Variants in TYW1 observed in about 807,000 individuals in gnomAD.
The protein encoded by TYW1 is S-adenosyl-L-methionine-dependent tRNA 4-demethylwyosine synthase TYW1.
TYW1 carries 46 observed loss-of-function variants against 96.2 expected under a neutral mutation model. That is an observed-to-expected ratio of 0.48 (90% CI 0.38 to 0.61). TYW1 has a LOEUF of 0.61. TYW1 is among the 20% of genes least tolerant of loss of function. The pLI, the probability that TYW1 is intolerant of heterozygous loss-of-function variation, is 0.00. For missense variants in TYW1, 684 were observed against 909.6 expected (o/e 0.75, Z 3.19); for synonymous variants, 274 against 323.0 (o/e 0.85, Z 1.63).
intron 13 of TYW1, among the ~76,000 whole-genome samples, chr7:67,147,629 A>C (rs1798649771): frequency 6.6e-6 from 1 of 151,916 alleles, no homozygotes; most frequent in African/African-American, 2.4e-5. Context: ...CTATGTGTCC[A>C]TGTGTTCTCA....
intron 3 of TYW1, among the ~76,000 whole-genome samples, chr7:67,007,644 T>C (rs1296611729): frequency 1.3e-5 from 2 of 152,172 alleles, no homozygotes; most frequent in East Asian, 3.9e-4. Flanking sequence ...CTTTTCTCTT[T>C]TTTTTTGAGA....
intron 11 of TYW1, among the ~76,000 whole-genome samples, chr7:67,091,016 A>G (rs1796698444): frequency 1.3e-5 from 2 of 152,178 alleles, no homozygotes; most frequent in African/African-American, 2.4e-5. Flanking sequence ...CGATTCCTCA[A>G]GGATCTAGAA....
intron 13 of TYW1, among the ~76,000 whole-genome samples, chr7:67,164,154 A>G (rs1338947209): frequency 6.6e-6 from 1 of 151,826 alleles, no homozygotes; most frequent in Non-Finnish European, 1.5e-5. Context: ...TGGTGTAGAT[A>G]GATTTATATT....
At chr7:67,074,855 T>C (rs4718452) in intron 10 of TYW1, among the ~76,000 whole-genome samples, 56,193 of 151,670 alleles carry the variant, frequency 0.37, 10,771 homozygotes, top group African/African-American at 0.46. Flanking sequence ...TCTTTTGAGA[T>C]GGAGTCTCGC....
intron 7 of TYW1, among the ~76,000 whole-genome samples, chr7:67,030,011 C>T (rs1414267858): frequency 6.6e-6 from 1 of 152,094 alleles, no homozygotes; most frequent in Non-Finnish European, 1.5e-5. Flanking sequence ...GGGGAGTGGG[C>T]ATGAGGAAGA....
In TYW1 at chr7:67,069,910, G is replaced by T. The variant is rs139062214; in HGVS notation, c.1274+2507G>T. 6.6e-5 allele frequency among the ~76,000 whole-genome samples: 10 copies of T among 152,266 alleles called. 2 individuals carry two copies. The South Asian group carries it at 2.1e-3, about 32-fold the overall frequency. On this transcript the variant is annotated intron_variant, in intron 10 of 15. Coordinates refer to ENST00000359626, the MANE Select transcript of TYW1 (RefSeq NM_018264.4). ...TGAAGGACTCCCTTTAGTATTTATC[G>T]TAGGGCAGGTCTGTTAGCAGTGAAC...
At chr7:67,052,754 C>T (rs10447523) in intron 8 of TYW1, among the ~76,000 whole-genome samples, 36,854 of 151,744 alleles carry the variant, frequency 0.24, 4,646 homozygotes, top group East Asian at 0.46. Context: ...TATTTTGAGA[C>T]GGAGTCTCAC....
intron 13 of TYW1, among the ~76,000 whole-genome samples, chr7:67,158,695 G>A (rs950895662): frequency 8.6e-5 from 13 of 151,962 alleles, no homozygotes; most frequent in Non-Finnish European, 1.2e-4. Context: ...TCAGCCTACC[G>A]TGTAGCTGGG....
intron 13 of TYW1, among the ~76,000 whole-genome samples, chr7:67,141,437 A>T (rs73700337): frequency 0.034 from 5,221 of 152,298 alleles, 250 homozygotes; most frequent in East Asian, 0.14. Context: ...ATGTTGTTTG[A>T]GCACCATTTG....
At chr7:67,070,441 CT>C (rs199775206) in intron 10 of TYW1, among the ~76,000 whole-genome samples, 6 of 150,382 alleles carry the variant, frequency 4.0e-5, no homozygotes, top group African/African-American at 4.9e-5. Flanking sequence ...TTTCTTCACA[CT>C]TTTTTTTTTC....
chr7:67,031,179 C>T (rs1447057134), intron 7 of TYW1, among the ~76,000 whole-genome samples: 78 of 120,570 alleles, frequency 6.5e-4, no homozygotes, highest in Non-Finnish European at 1.0e-3. Flanking sequence ...GGCGACAGAG[C>T]GAGACTCCAT....
chr7:67,114,294 T>C lies in TYW1; in HGVS notation c.1563-3189T>C, dbSNP rs564160343. 2.6e-5 allele frequency: 4 copies of C among 154,352 alleles called. No homozygotes were observed. In the South Asian group the frequency reaches 6.1e-4, roughly 24 times the overall value. The allele number at this position is 154,352 out of a possible 1,614,324, so 9.6% of individuals were successfully genotyped here. A position where few individuals can be genotyped will look rare whatever the true frequency, so the allele number is the denominator to read the frequency against. On this transcript the variant is annotated intron_variant, in intron 12 of 15. Transcript: ENST00000359626. ...AAAGTCACTGTTTACTTGAATTTCT[T>C]ACAAACATAAATCTCTCTCCTTTTT...
chr7:67,109,610 G>A (rs1797341878), intron 12 of TYW1, among the ~76,000 whole-genome samples: 1 of 152,224 alleles, frequency 6.6e-6, no homozygotes, highest in Non-Finnish European at 1.5e-5. Context: ...GCTGGGAGCA[G>A]TGGCTCACGC....
rs539430081 is a variant in TYW1, at chr7:67,108,656, G to T, written c.1563-8827G>T. 3.3e-5 allele frequency among the ~76,000 whole-genome samples: 5 copies of T among 151,800 alleles called. No individual in the cohort carries two copies. In the South Asian group the frequency reaches 1.0e-3, roughly 32 times the overall value. ...GGGGTTTCACCATGTTGGCCAGGCT[G>T]GTCTCGAACTCCTGACCTCAGCTGC... On this transcript the variant is annotated intron_variant, in intron 12 of 15. Transcript: ENST00000359626.
In TYW1 at chr7:67,170,934, C is replaced by T. The variant is rs939727210; in HGVS notation, c.1699-12192C>T. Among the ~76,000 whole-genome samples the T allele has an allele frequency of 3.9e-5, 6 of 151,938 alleles. No individual in the cohort carries two copies. In the East Asian group the frequency reaches 7.7e-4, roughly 20 times the overall value. On this transcript the variant is annotated intron_variant, in intron 13 of 15. Coordinates refer to ENST00000359626, the MANE Select transcript of TYW1 (RefSeq NM_018264.4). ...TTTGTTATGAAGATAATGCTGGCCT[C>T]GGAGAAGGAGGTGTGAAGTGTTTCC...
At chr7:67,092,975 G>A (rs1174228768) in intron 11 of TYW1, among the ~76,000 whole-genome samples, 1 of 151,764 alleles carries the variant, frequency 6.6e-6, no homozygotes, top group African/African-American at 2.4e-5. Context: ...GAGCCACCAC[G>A]CCCGGCCCAA....
At chr7:67,104,177 C>T (rs936495163) in intron 12 of TYW1, among the ~76,000 whole-genome samples, 2 of 152,158 alleles carry the variant, frequency 1.3e-5, no homozygotes, top group Admixed American at 1.3e-4. Flanking sequence ...AGTCTTCCCT[C>T]CAGCTCCAAA....
chr7:67,206,804 C>A (rs1800816476), intron 15 of TYW1, among the ~76,000 whole-genome samples: 1 of 152,126 alleles, frequency 6.6e-6, no homozygotes, highest in Non-Finnish European at 1.5e-5. Flanking sequence ...TACTCAACAT[C>A]TTCCTTGTTT....
intron 12 of TYW1, among the ~76,000 whole-genome samples, chr7:67,110,858 A>G (rs749166338): frequency 2.0e-5 from 3 of 152,068 alleles, no homozygotes; most frequent in Admixed American, 1.3e-4. Flanking sequence ...TTAAAACATT[A>G]GCCAAGTGTT....
Sources: allele counts gnomAD v4.1 joint callset (sites outside exome capture counted in the v4.1 genomes callset), GRCh38; gene constraint gnomAD v4.1.1; transcripts MANE v1.5; gene names NCBI Gene and HGNC (gene_info 2026-07-23, HGNC 2026-07-21).